The following RFX7 variants were observed in gnomAD, a reference collection of about 807,000 sequenced individuals.
RFX7 encodes DNA-binding protein RFX7.
RFX7 carries 26 observed loss-of-function variants against 111.8 expected under a neutral mutation model. That is an observed-to-expected ratio of 0.23 (90% CI 0.17 to 0.32). The LOEUF (loss-of-function observed/expected upper bound fraction) is 0.32, where lower values mean the gene tolerates loss of function less well. RFX7 is among the 10% of genes least tolerant of loss of function. The probability of loss-of-function intolerance (pLI) is 1.00; values close to 1 mark genes in which losing one functional copy is unlikely to be tolerated. For missense variants in RFX7, 1,573 were observed against 1,772.9 expected (o/e 0.89, Z 2.02); for synonymous variants, 624 against 624.4 (o/e 1.00, Z 0.01).
At chr15:56,166,874 T>G (rs1485927330) in intron 3 of RFX7, among the ~76,000 whole-genome samples, 2 of 152,120 alleles carry the variant, frequency 1.3e-5, no homozygotes, top group African/African-American at 4.8e-5. Flanking sequence ...CCAGCCTGAG[T>G]AGCTGGGGCG....
intron 2 of RFX7, among the ~76,000 whole-genome samples, chr15:56,204,872 T>A (rs2043234783): frequency 6.6e-6 from 1 of 152,154 alleles, no homozygotes; most frequent in African/African-American, 2.4e-5. Flanking sequence ...TGCTCAATAA[T>A]CTGTGAACCT....
At chr15:56,130,154 A>G (rs538358112) in intron 5 of RFX7, among the ~76,000 whole-genome samples, 81 of 152,334 alleles carry the variant, frequency 5.3e-4, no homozygotes, top group Admixed American at 6.5e-4. Flanking sequence ...ACTCAGTTGA[A>G]GATGAGCAGT....
chr15:56,121,927 T>G (rs1427838798), intron 5 of RFX7, among the ~76,000 whole-genome samples: 2 of 152,198 alleles, frequency 1.3e-5, no homozygotes, highest in African/African-American at 2.4e-5. Context: ...TCTCTGTGTT[T>G]TCTTGAATTT....
At chr15:56,144,669 T>C (rs1452331220) in intron 3 of RFX7, among the ~76,000 whole-genome samples, 186 bp from the exon 4 acceptor site, 1 of 152,090 alleles carries the variant, frequency 6.6e-6, no homozygotes, top group Non-Finnish European at 1.5e-5. Flanking sequence ...CATACAAAAA[T>C]TTAATAAAAG....
intron 2 of RFX7, among the ~76,000 whole-genome samples, chr15:56,238,662 C>A (rs1472785102): frequency 6.6e-6 from 1 of 152,076 alleles, no homozygotes; most frequent in African/African-American, 2.4e-5. Flanking sequence ...TAATTGATAA[C>A]AAATTCTTTT....
At chr15:56,133,959 G>A (rs1045309246) in intron 5 of RFX7, among the ~76,000 whole-genome samples, 3 of 152,052 alleles carry the variant, frequency 2.0e-5, no homozygotes, top group Non-Finnish European at 2.9e-5. Flanking sequence ...TTGTATGCAC[G>A]TATACTAACC....
At chr15:56,231,914 G>A (rs1199477087) in intron 2 of RFX7, among the ~76,000 whole-genome samples, 1 of 152,076 alleles carries the variant, frequency 6.6e-6, no homozygotes, top group Non-Finnish European at 1.5e-5. Flanking sequence ...AAATCCAGTG[G>A]GGCAGTCAAA....
At chr15:56,185,525 T>C (rs1205786547) in intron 2 of RFX7, among the ~76,000 whole-genome samples, 3 of 152,180 alleles carry the variant, frequency 2.0e-5, no homozygotes, top group African/African-American at 7.2e-5. Context: ...AATTTCTCTT[T>C]GGAAGTGTCA....
chr15:56,121,888 A>T (rs1479165815), intron 5 of RFX7, among the ~76,000 whole-genome samples: 1 of 152,126 alleles, frequency 6.6e-6, no homozygotes, highest in Non-Finnish European at 1.5e-5. Context: ...AATCTCTGTT[A>T]AATTTGTTGG....
chr15:56,115,578 T>G (rs61176298), intron 5 of RFX7, among the ~76,000 whole-genome samples: 5 of 152,156 alleles, frequency 3.3e-5, no homozygotes, highest in Admixed American at 2.6e-4. Context: ...ACTCTACATA[T>G]AGTATGAGCT....
chr15:56,105,934 T>A (rs966670150), intron 5 of RFX7, among the ~76,000 whole-genome samples: 2 of 152,200 alleles, frequency 1.3e-5, no homozygotes, highest in African/African-American at 2.4e-5. Context: ...AATAACTGAT[T>A]AGTAATTGCT....
At chr15:56,220,627 A>G (rs1171645086) in intron 2 of RFX7, among the ~76,000 whole-genome samples, 4 of 151,868 alleles carry the variant, frequency 2.6e-5, no homozygotes, top group Non-Finnish European at 2.9e-5. Context: ...CTCCCATTCT[A>G]TAGTTTGTCT....
chr15:56,107,358 T>C (rs1330358127), intron 5 of RFX7, among the ~76,000 whole-genome samples: 1 of 150,250 alleles, frequency 6.7e-6, no homozygotes, highest in Non-Finnish European at 1.5e-5. Context: ...TCTTGCTCCT[T>C]GTTTAAAAGT....
chr15:56,114,486 T>C (rs1392151544), intron 5 of RFX7, among the ~76,000 whole-genome samples: 1 of 151,400 alleles, frequency 6.6e-6, no homozygotes, highest in Non-Finnish European at 1.5e-5. Flanking sequence ...AAGAAATTTA[T>C]CGTTTTCGTA....
chr15:56,208,115 C>T (rs147788637), intron 2 of RFX7, among the ~76,000 whole-genome samples: 4 of 152,288 alleles, frequency 2.6e-5, no homozygotes, highest in African/African-American at 9.6e-5. Flanking sequence ...AAAACCTCCT[C>T]TGAATATTGG....
chr15:56,101,133 T>C (rs1595923555), intron 8 of RFX7, among the ~76,000 whole-genome samples: 2 of 152,286 alleles, frequency 1.3e-5, no homozygotes, highest in East Asian at 3.9e-4. Context: ...CAGTTTCATA[T>C]GCCAGCAAAG....
intron 2 of RFX7, among the ~76,000 whole-genome samples, chr15:56,230,710 C>T (rs1196073728): frequency 6.6e-6 from 1 of 152,294 alleles, no homozygotes; most frequent in African/African-American, 2.4e-5. Context: ...GAACTCACTA[C>T]ACACTATGAA....
chr15:56,176,358 T>C lies in RFX7; in HGVS notation c.195+2912A>G, dbSNP rs183231607. On this transcript the variant is annotated intron_variant, in intron 3 of 9. Coordinates refer to ENST00000559447, the MANE Select transcript of RFX7 (RefSeq NM_022841.7). ...AGGACAAACATGAAGTGATCCACTA[T>C]ATACGTAGTCAAACTGTTAAAAGTC... Among the ~76,000 whole-genome samples, 43 of 152,270 alleles carry C rather than the reference T, an allele frequency of 2.8e-4. 1 individual carries two copies. In the East Asian group the frequency reaches 7.7e-3, roughly 27 times the overall value.
At chr15:56,130,700 A>G (rs1384012542) in intron 5 of RFX7, among the ~76,000 whole-genome samples, 1 of 152,086 alleles carries the variant, frequency 6.6e-6, no homozygotes, top group Non-Finnish European at 1.5e-5. Context: ...AAAAAAAGAC[A>G]AGAAAATAAA....
Sources: gnomAD v4.1 joint callset for allele counts (sites outside exome capture counted in the v4.1 genomes callset) on GRCh38, gnomAD v4.1.1 for gene constraint, MANE v1.5 for transcripts, NCBI Gene and HGNC (gene_info 2026-07-23, HGNC 2026-07-21) for gene names.